Variants in OR2L13 observed in about 807,000 individuals in gnomAD.
OR2L13 encodes olfactory receptor family 2 subfamily L member 13, also known as olfactory receptor 2L13.
A neutral mutation model predicts 15.3 loss-of-function variants in OR2L13; 14 were observed. That is an observed-to-expected ratio of 0.91 (90% CI 0.60 to 1.43). The LOEUF is 1.43. Among genes scored for constraint, OR2L13 ranks in the 40% most tolerant of loss-of-function variants. OR2L13 has a pLI of 0.00. For missense variants in OR2L13, 367 were observed against 387.9 expected (o/e 0.95, Z 0.45); for synonymous variants, 152 against 142.9 (o/e 1.06, Z -0.45).
chr1:247,990,623 A>T, the OR2L13 span: 2 of 1,541,786 alleles, frequency 1.3e-6, no homozygotes, highest in Admixed American at 3.3e-5. Context: ...TCAATGGCCT[A>T]TGATCGTTAT....
chr1:248,007,181 A>G, the OR2L13 span, among the ~76,000 whole-genome samples: 1 of 152,168 alleles, frequency 6.6e-6, no homozygotes, highest in Non-Finnish European at 1.5e-5. Context: ...TAGTTGACTG[A>G]AAAACAATAT....
At chr1:247,982,016 C>T in the OR2L13 span, among the ~76,000 whole-genome samples, 2 of 152,166 alleles carry the variant, frequency 1.3e-5, no homozygotes, top group African/African-American at 4.8e-5. Flanking sequence ...GGGGTTTCAC[C>T]GTGTTAGCCA....
chr1:247,994,672 C>G, the OR2L13 span, among the ~76,000 whole-genome samples: 1 of 151,986 alleles, frequency 6.6e-6, no homozygotes, highest in African/African-American at 2.4e-5. Flanking sequence ...ATGAGTAAGT[C>G]TAGATAGCTG....
chr1:247,975,212 C>T, the OR2L13 span: 1 of 399,200 alleles, frequency 2.5e-6, no homozygotes, highest in Non-Finnish European at 5.1e-6. Context: ...CTTGTGCTCA[C>T]ATTTCATATA....
chr1:248,061,748 T>A, the OR2L13 span: 1 of 846,078 alleles, frequency 1.2e-6, no homozygotes, highest in Non-Finnish European at 1.7e-6. Flanking sequence ...AAAAAATCAC[T>A]GATTTCTGGA....
At chr1:247,966,307 T>G in the OR2L13 span, 1 of 1,613,258 alleles carries the variant, frequency 6.2e-7, no homozygotes, top group Admixed American at 1.7e-5. Context: ...TTGGATATGC[T>G]GTAGAAAATA....
At chr1:247,978,143 G>C in the OR2L13 span, among the ~76,000 whole-genome samples, 1 of 152,196 alleles carries the variant, frequency 6.6e-6, no homozygotes, top group Non-Finnish European at 1.5e-5. Context: ...CTGCTGCTCA[G>C]TCTTCGGGTC....
the OR2L13 span, among the ~76,000 whole-genome samples, chr1:248,069,381 A>C: frequency 4.6e-5 from 7 of 152,264 alleles, no homozygotes; most frequent in East Asian, 1.2e-3. Flanking sequence ...ACTAAGCTTC[A>C]TAAGTGAAGG....
chr1:247,990,872 C>T, the OR2L13 span: 15 of 1,515,892 alleles, frequency 9.9e-6, no homozygotes, highest in East Asian at 2.3e-4. Context: ...TTTTTGAGCA[C>T]CACCATTTTT....
At chr1:248,065,742 G>C in the OR2L13 span, among the ~76,000 whole-genome samples, 1 of 151,944 alleles carries the variant, frequency 6.6e-6, no homozygotes, top group Non-Finnish European at 1.5e-5. Context: ...ACAACAAGCT[G>C]TGGTTCAATA....
At chr1:248,003,597 G>A in the OR2L13 span, 9 of 1,611,792 alleles carry the variant, frequency 5.6e-6, no homozygotes, top group African/African-American at 5.3e-5. Flanking sequence ...ATCAATGCTT[G>A]TGCTCACACT....
the OR2L13 span, among the ~76,000 whole-genome samples, chr1:248,002,753 G>C: frequency 2.0e-5 from 3 of 151,944 alleles, no homozygotes; most frequent in Non-Finnish European, 4.4e-5. Flanking sequence ...AGCTACTCGG[G>C]AGGCTGAGGC....
the OR2L13 span, among the ~76,000 whole-genome samples, chr1:248,067,182 A>G: frequency 6.6e-6 from 1 of 152,220 alleles, no homozygotes; most frequent in Admixed American, 6.5e-5. Flanking sequence ...TTACCTTTTC[A>G]ATGTGCAGTT....
chr1:248,048,919 C>CTT, the OR2L13 span, among the ~76,000 whole-genome samples: 712 of 138,230 alleles, frequency 5.2e-3, 4 homozygotes, highest in African/African-American at 0.021. Context: ...CCTTTTCTCT[C>CTT]TCTCTTTTTT....
chr1:248,015,833 G>A, the OR2L13 span, among the ~76,000 whole-genome samples: 1 of 152,014 alleles, frequency 6.6e-6, no homozygotes, highest in Non-Finnish European at 1.5e-5. Flanking sequence ...ACTTTAAGAG[G>A]AACAGCCATA....
the OR2L13 span, among the ~76,000 whole-genome samples, chr1:248,047,753 C>T: frequency 6.6e-6 from 1 of 152,160 alleles, no homozygotes; most frequent in Admixed American, 6.5e-5. Context: ...CTATATTACT[C>T]TACAGTCATA....
At chr1:247,957,680 TGTGTTGAG>T in the OR2L13 span, among the ~76,000 whole-genome samples, 1 of 152,226 alleles carries the variant, frequency 6.6e-6, no homozygotes, top group Non-Finnish European at 1.5e-5. Flanking sequence ...GGAGGGTGTA[TGTGTTGAG>T]GAATTTATCC....
At chr1:248,025,522 C>A in the OR2L13 span, among the ~76,000 whole-genome samples, 35 of 149,434 alleles carry the variant, frequency 2.3e-4, no homozygotes, top group South Asian at 3.3e-3. Flanking sequence ...TAGTTCAACC[C>A]TTGTGGAAGT....
the OR2L13 span, among the ~76,000 whole-genome samples, chr1:248,085,418 T>TAAAATAAAATAAAATAAAATAA: frequency 1.4e-4 from 4 of 27,590 alleles, no homozygotes; most frequent in Admixed American, 8.3e-4. Context: ...TAAAATAAAA[T>TAAAATAAAATAAAATAAAATAA]AATAAAATAA....
Sources: allele counts gnomAD v4.1 joint callset (sites outside exome capture counted in the v4.1 genomes callset), GRCh38; gene constraint gnomAD v4.1.1; transcripts MANE v1.5; gene names NCBI Gene and HGNC (gene_info 2026-07-23, HGNC 2026-07-21).